SLC25A16: variants seen among roughly 807,000 people sequenced by gnomAD.
SLC25A16 encodes the protein mitochondrial coenzyme A transporter SLC25A16.
In SLC25A16, 39 loss-of-function variants were observed where a neutral mutation model predicts 41.5. That is an observed-to-expected ratio of 0.94 (90% CI 0.73 to 1.23). The LOEUF is 1.23. SLC25A16 is among the 50% of genes most tolerant of loss of function. SLC25A16 has a pLI of 0.00. For synonymous variants in SLC25A16, 146 were observed against 147.8 expected (o/e 0.99, Z 0.09); for missense variants, 421 against 426.9 (o/e 0.99, Z 0.12).
In SLC25A16 at chr10:68,493,180, A is replaced by T. The variant is rs371103074; in HGVS notation, c.562T>A (p.Phe188Ile). 1 of 1,597,132 alleles carries T rather than the reference A, an allele frequency of 6.3e-7. No individual in the cohort carries two copies. Among genetic ancestry groups the T allele is most frequent in the Non-Finnish European group, 8.5e-7 (1 of 1,174,172 alleles). Residue 188 changes from phenylalanine to isoleucine, a missense_variant, in exon 6 of 9, where the codon TTT (phenylalanine) becomes ATT (isoleucine). Physicochemically the swap from Phe to Ile is conservative, Grantham distance 21. Transcript: ENST00000609923. ...ATAGTAGGCATCAGACCTCTGTAAA[A>T]TCCAAAGAAACCACCTTCCTTTTGA... Reference protein sequence around the residue: ...IYAKEGGFFGFYRGLMPTILG... With the variant: ...IYAKEGGFFGIYRGLMPTILG...
At chr10:68,526,778 A>T in intron 1 of SLC25A16, among the ~76,000 whole-genome samples, 1 of 152,216 alleles carries the variant, frequency 6.6e-6, no homozygotes, top group South Asian at 2.1e-4. Flanking sequence ...GAATCACTGG[A>T]ACCAGTTTTG....
intron 3 of SLC25A16, among the ~76,000 whole-genome samples, chr10:68,504,490 C>A (rs1232734754): frequency 6.6e-6 from 1 of 150,778 alleles, no homozygotes; most frequent in African/African-American, 2.4e-5. Context: ...GGCTGGAGTG[C>A]AGTGGTGCGA....
intron 6 of SLC25A16, among the ~76,000 whole-genome samples, chr10:68,491,353 G>C (rs1367749796): frequency 6.6e-6 from 1 of 151,944 alleles, no homozygotes; most frequent in Non-Finnish European, 1.5e-5. Context: ...AGCCTCCCAA[G>C]TAGCTGGGAT....
chr10:68,512,638 C>CAAAAAAAAAAAAAAAAAA (rs1163431016), intron 2 of SLC25A16, among the ~76,000 whole-genome samples: 1 of 17,148 alleles, frequency 5.8e-5, no homozygotes, highest in African/African-American at 2.5e-4. Flanking sequence ...GACTCCGTCT[C>CAAAAAAAAAAAAAAAAAA]AAAAAAAAAA....
Position 68,527,408 on chromosome 10 carries a change from C to T in SLC25A16, c.-33G>A. ...AGGGTCGCGTCAGGAGCCTAGGTTG[C>T]CAACTTACAGAACACCGGACGGGAC... On this transcript the variant is annotated 5_prime_UTR_variant, in exon 1 of 9. Coordinates refer to ENST00000609923, the MANE Select transcript of SLC25A16 (RefSeq NM_152707.4). The T allele has an allele frequency of 5.5e-6, 8 of 1,446,496 alleles. No homozygotes were observed. Among genetic ancestry groups the T allele is most frequent in the Non-Finnish European group, 7.2e-6 (8 of 1,110,054 alleles). The allele number at this position is 1,446,496 out of a possible 1,614,324, so 89.6% of individuals were successfully genotyped here.
Position 68,483,435 on chromosome 10 carries a change from G to T in SLC25A16, c.996C>A (p.Asn332Lys), listed in dbSNP as rs1483708346. ...AAAAACCAACCATAATTTTTTTTTAGTTGAGGTGAAAAAACTGCTTCATAA... is the reference window on the plus strand; with the variant it reads ...AAAAACCAACCATAATTTTTTTTTATTTGAGGTGAAAAAACTGCTTCATAA... The part of the protein sequence containing the change: ...YELMKQFFHL[N>K] The change falls in exon 9 of 9, where the codon AAC (asparagine) becomes AAA (lysine). Residue 332 changes from asparagine to lysine, a missense_variant. By Grantham distance (94) the Asn-to-Lys change is moderately conservative (BLOSUM62 0). Transcript: ENST00000609923. 6.4e-7 allele frequency: 1 copy of T among 1,571,112 alleles called. No individual in the cohort carries two copies. Among genetic ancestry groups the T allele is most frequent in the Non-Finnish European group, 8.6e-7 (1 of 1,161,204 alleles).
At chr10:68,524,579 A>C (rs2053304896) in intron 1 of SLC25A16, among the ~76,000 whole-genome samples, 1 of 148,960 alleles carries the variant, frequency 6.7e-6, no homozygotes, top group Non-Finnish European at 1.5e-5. Flanking sequence ...CACGGTGGCG[A>C]GCACCTGTAA....
At chr10:68,520,169 G>C (rs1388750324) in intron 1 of SLC25A16, among the ~76,000 whole-genome samples, 1 of 151,090 alleles carries the variant, frequency 6.6e-6, no homozygotes. Flanking sequence ...ATGTTGGCCA[G>C]ACTGTTCTTG....
intron 4 of SLC25A16, among the ~76,000 whole-genome samples, chr10:68,500,434 CG>C (rs1285736368): frequency 2.6e-5 from 4 of 152,098 alleles, no homozygotes; most frequent in African/African-American, 9.6e-5. Flanking sequence ...CAGCCTCCCA[CG>C]TATCTGGGAT....
At chr10:68,521,421 G>C (rs9730995) in intron 1 of SLC25A16, among the ~76,000 whole-genome samples, 10,614 of 151,904 alleles carry the variant, frequency 0.07, 501 homozygotes, top group African/African-American at 0.13. Context: ...CCCAACTACT[G>C]TGGAGTCTGA....
At chr10:68,498,171 T>C (rs2133530234) in intron 4 of SLC25A16, among the ~76,000 whole-genome samples, 1 of 152,276 alleles carries the variant, frequency 6.6e-6, no homozygotes, top group Admixed American at 6.5e-5. Context: ...TCAAATTCTA[T>C]TAATCAGAAC....
At chr10:68,518,565 G>A (rs1053489512) in intron 1 of SLC25A16, among the ~76,000 whole-genome samples, 2 of 151,522 alleles carry the variant, frequency 1.3e-5, no homozygotes, top group Non-Finnish European at 2.9e-5. Context: ...CACGAGGTCA[G>A]GAATTCAAGA....
At position 68,483,171 on chromosome 10, in the gene SLC25A16, C is replaced by T. The variant is rs2052505012; in HGVS notation, c.*261G>A. 3.7e-6 allele frequency: 1 copy of T among 266,938 alleles called. No homozygotes were observed. The highest frequency in any genetic ancestry group is 5.3e-5 in the Admixed American group (1 of 18,782). The allele number at this position is 266,938 out of a possible 1,614,324, so 16.5% of individuals were successfully genotyped here. On this transcript the variant is annotated 3_prime_UTR_variant, in exon 9 of 9. Coordinates refer to ENST00000609923, the MANE Select transcript of SLC25A16 (RefSeq NM_152707.4). ...CCCGTTTTAAAGCTAGTTCTACTTC[C>T]AAATAAAACTTTAAAGCGGTTTAGC...
In SLC25A16 at chr10:68,479,588, T is replaced by G. The variant is rs1247321070; in HGVS notation, c.*3844A>C. 1 of 152,130 alleles carries G rather than the reference T, an allele frequency of 6.6e-6. No individual in the cohort carries two copies. Among genetic ancestry groups the G allele is most frequent in the Non-Finnish European group, 1.5e-5 (1 of 68,136 alleles). 9.4% of individuals were successfully genotyped at this position (152,130 alleles called of 1,614,324 possible). ...TGGGAAGTCGGGGGGGCAGATCACT[T>G]GAGGTCAGGTATTCAAGACCAGCCT... is the stretch of plus-strand genomic sequence containing the variant. On this transcript the variant is annotated 3_prime_UTR_variant, in exon 9 of 9. Coordinates refer to ENST00000609923, the MANE Select transcript of SLC25A16 (RefSeq NM_152707.4).
chr10:68,485,718 A>G, intron 8 of SLC25A16, among the ~76,000 whole-genome samples: 1 of 150,474 alleles, frequency 6.6e-6, no homozygotes. Flanking sequence ...TCTGTCACCT[A>G]GGCTGGAGTA....
rs562976299 is a variant in SLC25A16 at position 68,478,108 on chromosome 10, T to C, written c.*5324A>G. On this transcript the variant is annotated 3_prime_UTR_variant, in exon 9 of 9. Coordinates refer to ENST00000609923, the MANE Select transcript of SLC25A16 (RefSeq NM_152707.4). ...AAGTATAGCATCATAGCTAAAAGAA[T>C]AGGCTCTAGATTCAGACCGGCTGAA... 2 of 152,188 alleles carry C rather than the reference T, an allele frequency of 1.3e-5. No homozygotes were observed. Among genetic ancestry groups the C allele is most frequent in the African/African-American group, 2.4e-5 (1 of 41,462 alleles). 9.4% of individuals were successfully genotyped at this position (152,188 alleles called of 1,614,324 possible).
At position 68,478,493 on chromosome 10, in the gene SLC25A16, T is replaced by C. The variant is rs1299173434; in HGVS notation, c.*4939A>G. On this transcript the variant is annotated 3_prime_UTR_variant, in exon 9 of 9. Transcript: ENST00000609923. ...CCATTAATTGTACATAGTTTGGGAA[T>C]AATCCTTGGGGAAAAAAAATAAATA... 1.3e-5 allele frequency: 2 copies of C among 152,190 alleles called. No homozygotes were observed. Among genetic ancestry groups the C allele is most frequent in the African/African-American group, 2.4e-5 (1 of 41,544 alleles). 9.4% of individuals were successfully genotyped at this position (152,190 alleles called of 1,614,324 possible). A position where few individuals can be genotyped will look rare whatever the true frequency, so the allele number is the denominator to read the frequency against.
chr10:68,526,266 C>G (rs1376526644), intron 1 of SLC25A16, among the ~76,000 whole-genome samples: 1 of 151,888 alleles, frequency 6.6e-6, no homozygotes, highest in Non-Finnish European at 1.5e-5. Context: ...GGAGGTGGGA[C>G]CTGCGGGCAG....
intron 4 of SLC25A16, among the ~76,000 whole-genome samples, chr10:68,494,671 GT>G (rs2052720350): frequency 6.9e-6 from 1 of 145,978 alleles, no homozygotes; most frequent in Non-Finnish European, 1.5e-5. Context: ...GAGGTCAGGA[GT>G]TCGAGACCAG....
Sources: allele counts gnomAD v4.1 joint callset (sites outside exome capture counted in the v4.1 genomes callset), GRCh38; gene constraint gnomAD v4.1.1; transcripts MANE v1.5; gene names NCBI Gene and HGNC (gene_info 2026-07-23, HGNC 2026-07-21).